FSIP1: variants seen among roughly 807,000 people sequenced by gnomAD.
FSIP1 encodes fibrous sheath interacting protein 1, also known as fibrous sheath-interacting protein 1.
FSIP1 carries 65 observed loss-of-function variants against 60.9 expected under a neutral mutation model. That is an observed-to-expected ratio of 1.07 (90% confidence interval 0.87 to 1.31). FSIP1 has a LOEUF of 1.31. FSIP1 is among the 40% of genes most tolerant of loss of function. The pLI, the probability that FSIP1 is intolerant of heterozygous loss-of-function variation, is 0.00. For missense variants in FSIP1, 675 were observed against 665.5 expected, an observed-to-expected ratio of 1.01 and a Z score of -0.16; for synonymous variants, 209 against 221.2, an observed-to-expected ratio of 0.94 and a Z score of 0.49.
intron 5 of FSIP1, among the ~76,000 whole-genome samples, chr15:39,762,683 A>G (rs1897543590): frequency 6.6e-6 from 1 of 152,160 alleles, no homozygotes; most frequent in Non-Finnish European, 1.5e-5. Context: ...TGAGCATTCT[A>G]AGGGAAGCAG....
intron 11 of FSIP1, among the ~76,000 whole-genome samples, chr15:39,610,506 A>T (rs1890988392): frequency 2.0e-5 from 3 of 152,176 alleles, no homozygotes; most frequent in Admixed American, 6.5e-5. Context: ...TCTCTGCTAA[A>T]AATACAAAAA....
chr15:39,619,105 A>G (rs1267109129), intron 10 of FSIP1, among the ~76,000 whole-genome samples: 1 of 152,208 alleles, frequency 6.6e-6, no homozygotes, highest in Non-Finnish European at 1.5e-5. Context: ...TTTAATTTCT[A>G]CTTCAGCAAA....
chr15:39,779,375 T>C (rs1029068706), intron 1 of FSIP1, among the ~76,000 whole-genome samples: 27 of 152,226 alleles, frequency 1.8e-4, no homozygotes, highest in South Asian at 6.2e-4. Flanking sequence ...TGGATGTTCT[T>C]GTCCCCTTGC....
intron 10 of FSIP1, among the ~76,000 whole-genome samples, chr15:39,682,577 CT>C (rs1894209357): frequency 6.6e-6 from 1 of 152,206 alleles, no homozygotes; most frequent in African/African-American, 2.4e-5. Flanking sequence ...ACAGGGATCT[CT>C]GGACCATTGT....
At chr15:39,765,824 C>T in intron 3 of FSIP1, 78 bp from the exon 4 acceptor site, 1 of 778,446 alleles carries the variant, frequency 1.3e-6, no homozygotes, top group Non-Finnish European at 2.0e-6. Context: ...ACAATTTGTT[C>T]TTTCATTCAA....
intron 11 of FSIP1, among the ~76,000 whole-genome samples, chr15:39,601,312 A>C (rs1461529058): frequency 1.3e-5 from 2 of 152,298 alleles, no homozygotes; most frequent in African/African-American, 4.8e-5. Flanking sequence ...TTGAAGTGAG[A>C]AAAAAAATTG....
intron 10 of FSIP1, among the ~76,000 whole-genome samples, chr15:39,635,369 T>C (rs1020344307): frequency 6.6e-6 from 1 of 151,740 alleles, no homozygotes; most frequent in Non-Finnish European, 1.5e-5. Flanking sequence ...GATAGATACA[T>C]GCATACCAAA....
At chr15:39,648,211 C>A (rs62002416) in intron 10 of FSIP1, among the ~76,000 whole-genome samples, 2 of 125,998 alleles carry the variant, frequency 1.6e-5, no homozygotes, top group East Asian at 2.6e-4. Flanking sequence ...AAAATTGCTA[C>A]CAAAAAAAAA....
rs747074667 is a variant in FSIP1, at chr15:39,776,389, C to T, written c.126+10G>A. ...GAAAGGAGTTTAAATCTTTTCTAAA[C>T]GTAAATTACCTTGAAGGATCCTGGT... is the stretch of plus-strand genomic sequence containing the variant. On this transcript the variant is annotated intron_variant, in intron 2 of 11. Coordinates refer to ENST00000350221, the MANE Select transcript of FSIP1 (RefSeq NM_152597.5). 1.3e-5 allele frequency: 21 copies of T among 1,608,744 alleles called. No homozygotes were observed. The East Asian group carries it at 3.8e-4, about 29-fold the overall frequency.
At chr15:39,767,142 C>G (rs1325537743) in intron 3 of FSIP1, among the ~76,000 whole-genome samples, 4 of 152,080 alleles carry the variant, frequency 2.6e-5, no homozygotes, top group Non-Finnish European at 4.4e-5. Context: ...AGCTACTGCT[C>G]TCAATTCCAT....
intron 7 of FSIP1, among the ~76,000 whole-genome samples, chr15:39,739,330 T>A (rs564809194): frequency 2.0e-4 from 30 of 152,334 alleles, no homozygotes; most frequent in South Asian, 4.1e-4. Flanking sequence ...ATTTTACTAA[T>A]ATGCAATTTA....
At chr15:39,727,268 T>C (rs1464718211) in intron 8 of FSIP1, among the ~76,000 whole-genome samples, 3 of 152,224 alleles carry the variant, frequency 2.0e-5, no homozygotes, top group Non-Finnish European at 4.4e-5. Flanking sequence ...AAATAATGCC[T>C]ACTGAACATA....
At chr15:39,669,850 C>T (rs1291088142) in intron 10 of FSIP1, among the ~76,000 whole-genome samples, 1 of 152,168 alleles carries the variant, frequency 6.6e-6, no homozygotes, top group African/African-American at 2.4e-5. Flanking sequence ...CCAGCAAAGC[C>T]AGCAGCATGC....
chr15:39,691,025 G>C (rs1456659497), intron 10 of FSIP1, among the ~76,000 whole-genome samples: 1 of 152,202 alleles, frequency 6.6e-6, no homozygotes, highest in Non-Finnish European at 1.5e-5. Context: ...AAAGGAGCTA[G>C]AGTTGGACTG....
intron 5 of FSIP1, among the ~76,000 whole-genome samples, chr15:39,745,257 A>G (rs1455513010): frequency 6.6e-6 from 1 of 152,178 alleles, no homozygotes; most frequent in Non-Finnish European, 1.5e-5. Flanking sequence ...ACACGAGTAT[A>G]GTAAATCCTC....
intron 10 of FSIP1, among the ~76,000 whole-genome samples, chr15:39,639,430 CA>C (rs1000017427): frequency 2.9e-4 from 44 of 152,192 alleles, no homozygotes; most frequent in African/African-American, 9.6e-4. Flanking sequence ...TTGAAACAAA[CA>C]ATTTTAGTTC....
intron 10 of FSIP1, among the ~76,000 whole-genome samples, chr15:39,653,777 C>G (rs1256244207): frequency 6.6e-6 from 1 of 152,214 alleles, no homozygotes; most frequent in Non-Finnish European, 1.5e-5. Context: ...ATGAGACTTG[C>G]TCCTCCTTGC....
intron 10 of FSIP1, among the ~76,000 whole-genome samples, chr15:39,681,304 T>A (rs1358318585): frequency 3.5e-5 from 5 of 142,576 alleles, no homozygotes; most frequent in Non-Finnish European, 5.9e-5. Context: ...TTGTTTTTTG[T>A]TTTTTTTCAG....
chr15:39,691,404 TAAG>T (rs1371943981), intron 10 of FSIP1, among the ~76,000 whole-genome samples: 10 of 152,158 alleles, frequency 6.6e-5, no homozygotes, highest in Non-Finnish European at 1.0e-4. Context: ...GCCTCCTGTG[TAAG>T]AAGAAGCAGT....
Sources: allele counts gnomAD v4.1 joint callset (sites outside exome capture counted in the v4.1 genomes callset), GRCh38; gene constraint gnomAD v4.1.1; transcripts MANE v1.5; gene names NCBI Gene and HGNC (gene_info 2026-07-23, HGNC 2026-07-21).